The following FOXN3 variants were observed in gnomAD, a reference collection of about 807,000 sequenced individuals.
FOXN3 encodes the protein forkhead box N3.
Under a neutral mutation model 38.4 loss-of-function variants are expected in FOXN3, and 7 were observed. The observed-to-expected ratio is 0.18, with a 90% CI of 0.10 to 0.34. The LOEUF (loss-of-function observed/expected upper bound fraction) is 0.34. Ranked by LOEUF, FOXN3 falls within the 10% of genes least tolerant of loss-of-function variation. The pLI is 1.00. For missense variants in FOXN3, 456 were observed against 613.4 expected (o/e 0.74, Z 2.71); for synonymous variants, 230 against 242.2 (o/e 0.95, Z 0.47).
In FOXN3 at chr14:89,450,523, C is replaced by T. The variant is rs140144188; in HGVS notation, c.-14-38033G>A. On this transcript the variant is annotated intron_variant, in intron 1 of 6. Transcript: ENST00000345097. The stretch of plus-strand genomic sequence containing the variant: ...AGTGTCTTCATCTGCCAACGAGGGG[C>T]AGGAATAGCTCTTCTTTAAAGTTCC... Among the ~76,000 whole-genome samples the T allele has an allele frequency of 1.6e-4, 24 of 151,954 alleles. No individual in the cohort carries two copies. The East Asian group carries it at 4.1e-3, about 26-fold the overall frequency.
intron 1 of FOXN3, among the ~76,000 whole-genome samples, chr14:89,600,842 C>G (rs1465274094): frequency 1.3e-5 from 2 of 152,124 alleles, no homozygotes; most frequent in Non-Finnish European, 2.9e-5. Flanking sequence ...AATAGAGAAA[C>G]CTTAGACTTG....
At chr14:89,184,064 G>C (rs890380602) in intron 4 of FOXN3, 1 of 152,214 alleles carries the variant, frequency 6.6e-6, no homozygotes, top group Non-Finnish European at 1.5e-5. Flanking sequence ...TCCTGAGGCG[G>C]CCTGTGCTTT....
intron 2 of FOXN3, among the ~76,000 whole-genome samples, chr14:89,406,296 T>C (rs1318470801): frequency 2.0e-5 from 3 of 151,964 alleles, no homozygotes; most frequent in African/African-American, 7.3e-5. Flanking sequence ...GGCATGCACC[T>C]GTATTCTCAG....
At chr14:89,546,329 CTTTT>C (rs1157998619) in intron 1 of FOXN3, among the ~76,000 whole-genome samples, 3 of 78,334 alleles carry the variant, frequency 3.8e-5, no homozygotes, top group Admixed American at 1.9e-4. Context: ...TTTCCTTTTT[CTTTT>C]TTTTTTTTTT....
chr14:89,244,436 C>T (rs1746870521), intron 4 of FOXN3, among the ~76,000 whole-genome samples: 1 of 152,178 alleles, frequency 6.6e-6, no homozygotes. Flanking sequence ...AGTTCACCTA[C>T]CAACTGTCAT....
At chr14:89,597,048 A>C (rs1211881676) in intron 1 of FOXN3, among the ~76,000 whole-genome samples, 1 of 152,184 alleles carries the variant, frequency 6.6e-6, no homozygotes, top group East Asian at 1.9e-4. Context: ...CTGGAAATTA[A>C]TGCTTAGGTT....
At chr14:89,420,295 G>T (rs771658945), upstream of FOXN3, among the ~76,000 whole-genome samples, 3 of 152,168 alleles carry the variant, frequency 2.0e-5, no homozygotes, top group South Asian at 4.1e-4. Flanking sequence ...TCCCCTACGC[G>T]CATGGCCCCC....
At chr14:89,262,496 A>G (rs1376215627) in intron 4 of FOXN3, among the ~76,000 whole-genome samples, 2 of 152,240 alleles carry the variant, frequency 1.3e-5, no homozygotes, top group African/African-American at 4.8e-5. Context: ...GGAAAGGATC[A>G]ACTAGAACAG....
At position 89,162,282 on chromosome 14, in the gene FOXN3, GA is replaced by G; in HGVS notation, c.*131del. On this transcript the variant is annotated 3_prime_UTR_variant, in exon 6 of 6. Coordinates refer to ENST00000557258, the MANE Select transcript of FOXN3 (RefSeq NM_005197.4). The surrounding 1 kb of genome is among the most constrained non-coding windows in gnomAD (Gnocchi z 7.2). ...AAATTAAAACAAAATAAAAGGAAAA[GA>G]AAAGAAAGAAAACCAAACCAAAAAC... 3 of 730,478 alleles carry G rather than the reference GA, an allele frequency of 4.1e-6. No homozygotes were observed. Among genetic ancestry groups the G allele is most frequent in the Non-Finnish European group, 6.3e-6 (3 of 475,570 alleles). 45.2% of individuals were successfully genotyped at this position (730,478 alleles called of 1,614,324 possible).
intron 1 of FOXN3, among the ~76,000 whole-genome samples, chr14:89,560,407 C>G (rs981179434): frequency 2.0e-5 from 3 of 152,170 alleles, no homozygotes; most frequent in African/African-American, 7.2e-5. Context: ...GGAGGCCACC[C>G]CCTCAAAGGG....
chr14:89,550,608 G>C (rs1894984117), intron 1 of FOXN3, among the ~76,000 whole-genome samples: 1 of 152,194 alleles, frequency 6.6e-6, no homozygotes, highest in Non-Finnish European at 1.5e-5. Flanking sequence ...TGTGTGACTT[G>C]TCACCAAGAG....
At position 89,578,430 on chromosome 14, in the gene FOXN3, C is replaced by T. The variant is rs545414233; in HGVS notation, c.-15+40598G>A. Among the ~76,000 whole-genome samples, 27 of 152,240 alleles carry T rather than the reference C, an allele frequency of 1.8e-4. No individual in the cohort carries two copies. The South Asian group carries it at 5.0e-3, about 28-fold the overall frequency. ...CCCAACCTTCTAGCTACAGACACCG[C>T]GTACATGCTAATAACTCAAATTCCA... On this transcript the variant is annotated intron_variant, in intron 1 of 6. Coordinates refer to the FOXN3 transcript ENST00000345097.
chr14:89,283,803 AC>A (rs913288199), intron 3 of FOXN3, among the ~76,000 whole-genome samples: 4 of 152,114 alleles, frequency 2.6e-5, no homozygotes, highest in African/African-American at 7.2e-5. Flanking sequence ...ATAGTAATCA[AC>A]CCTTTTCCAT....
rs545674477 is a variant in FOXN3 at position 89,458,509 on chromosome 14, T to C, written c.-14-46019A>G. On this transcript the variant is annotated intron_variant, in intron 1 of 6. Transcript: ENST00000345097. ...GTCTTCATGATGCCCTCTTACCAAGTATTTTACAATGCAGTTCTCAGGAAA... is the reference window on the plus strand; with the variant it reads ...GTCTTCATGATGCCCTCTTACCAAGCATTTTACAATGCAGTTCTCAGGAAA... Among the ~76,000 whole-genome samples, 29 of 152,336 alleles carry C rather than the reference T, an allele frequency of 1.9e-4. No individual in the cohort carries two copies. In the South Asian group the frequency reaches 6.0e-3, roughly 32 times the overall value.
rs1887133436 is a variant in FOXN3, at chr14:89,162,653, T to C, written c.1168A>G (p.Ser390Gly). The C allele has an allele frequency of 6.2e-7, 1 of 1,613,958 alleles. No homozygotes were observed. The highest frequency in any genetic ancestry group is 8.5e-7 in the Non-Finnish European group (1 of 1,179,978). ...QKEPKDSLGD[S>G]GYASQHKKRQ... is the part of the protein sequence containing the mutation. ...TTCTTGTGCTGGGATGCGTACCCGC[T>C]GTCCCCCAGAGAATCCTTGGGCTCC... The change falls in exon 6 of 6, where the codon AGC (serine) becomes GGC (glycine). Residue 390 changes from serine (S) to glycine (G), a missense_variant. Physicochemically the swap from Ser to Gly is moderately conservative, Grantham distance 56. Around this residue, in one of 3 missense-constraint regions of FOXN3, gnomAD observed 386 missense variants for 505.2 expected, o/e 0.76. Coordinates refer to ENST00000557258, the MANE Select transcript of FOXN3 (RefSeq NM_005197.4). The surrounding 1 kb of genome is among the most constrained non-coding windows in gnomAD (Gnocchi z 7.2).
intron 2 of FOXN3, among the ~76,000 whole-genome samples, chr14:89,351,567 G>C (rs1366654056): frequency 1.3e-5 from 2 of 152,168 alleles, no homozygotes; most frequent in Non-Finnish European, 2.9e-5. Context: ...GAAGCGTTTG[G>C]TCTATGGACA....
rs140884540 is a variant in FOXN3 at position 89,513,871 on chromosome 14, C to A, written c.-14-101381G>T. Among the ~76,000 whole-genome samples, 427 of 151,896 alleles carry A rather than the reference C, an allele frequency of 2.8e-3. 3 individuals carry two copies. Among genetic ancestry groups the A allele is most frequent in the Non-Finnish European group, 4.4e-3 (301 of 67,986 alleles). ...AACCCTATCCACTGTTACACCAATT[C>A]TAAATCTCTCTCTCTTTCCTTCTCT... On this transcript the variant is annotated intron_variant, in intron 1 of 6. Coordinates refer to the FOXN3 transcript ENST00000345097.
rs528751544 is a variant in FOXN3 at position 89,221,984 on chromosome 14, G to A, written c.746-41178C>T. ...ACTACAGGCGCCCGCCACGGCGCCC[G>A]GCTAATTTTTTGTATTTTTAGTAGA... On this transcript the variant is annotated intron_variant, in intron 4 of 5. Transcript: ENST00000557258. Among the ~76,000 whole-genome samples the A allele has an allele frequency of 6.6e-5, 10 of 152,236 alleles. No individual in the cohort carries two copies. In the South Asian group the frequency reaches 1.2e-3, roughly 19 times the overall value.
intron 1 of FOXN3, among the ~76,000 whole-genome samples, chr14:89,468,313 G>T (rs575151045): frequency 1.6e-4 from 25 of 152,176 alleles, no homozygotes; most frequent in African/African-American, 6.0e-4. Flanking sequence ...AATTAGCCAG[G>T]CATGGTGGGA....
Sources: gnomAD v4.1 joint callset for allele counts (sites outside exome capture counted in the v4.1 genomes callset) on GRCh38, gnomAD v4.1.1 for gene constraint, gnomAD v4.1.1 regional missense constraint, Gnocchi (gnomAD v3.1) non-coding constraint, MANE v1.5 for transcripts, NCBI Gene and HGNC (gene_info 2026-07-23, HGNC 2026-07-21) for gene names.